Variants in MACROD2 observed in about 807,000 individuals in gnomAD.
MACROD2 encodes the protein ADP-ribose glycohydrolase MACROD2.
Under a neutral mutation model 70.4 loss-of-function variants are expected in MACROD2, and 36 were observed. The ratio of observed to expected loss-of-function variants is 0.51; its 90% confidence interval spans 0.39 to 0.68. The LOEUF (loss-of-function observed/expected upper bound fraction) is 0.68, where lower values mean the gene tolerates loss of function less well. Among genes scored for constraint, MACROD2 ranks in the 30% least tolerant of loss-of-function variants. The pLI is 0.00. For missense variants in MACROD2, 496 were observed against 538.4 expected, an observed-to-expected ratio of 0.92 and a Z score of 0.78; for synonymous variants, 172 against 178.8, an observed-to-expected ratio of 0.96 and a Z score of 0.30.
chr20:14,838,367 A>G (rs1432412059), intron 5 of MACROD2, among the ~76,000 whole-genome samples: 2 of 152,140 alleles, frequency 1.3e-5, no homozygotes, highest in African/African-American at 4.8e-5. Flanking sequence ...TTAATAAGGC[A>G]GAACATTATT....
chr20:15,211,320 C>T (rs1212642965), intron 5 of MACROD2, among the ~76,000 whole-genome samples: 1 of 152,148 alleles, frequency 6.6e-6, no homozygotes, highest in Non-Finnish European at 1.5e-5. Context: ...GATGGATATA[C>T]ATTTGGTTAT....
intron 5 of MACROD2, among the ~76,000 whole-genome samples, chr20:14,789,235 G>A (rs1285527133): frequency 1.3e-5 from 2 of 151,632 alleles, no homozygotes; most frequent in African/African-American, 4.9e-5. Context: ...AAAGTTAAAT[G>A]CAATTAAACT....
chr20:14,255,714 TAAATAAATAAAA>T (rs775331753), intron 3 of MACROD2, among the ~76,000 whole-genome samples: 2,562 of 140,010 alleles, frequency 0.018, 46 homozygotes, highest in Non-Finnish European at 0.024. Context: ...AATAAATAAA[TAAATAAATAAAA>T]AAGAAAATGT....
chr20:15,935,548 G>A (rs1601165868), intron 11 of MACROD2, among the ~76,000 whole-genome samples: 1 of 152,072 alleles, frequency 6.6e-6, no homozygotes, highest in Admixed American at 6.6e-5. Flanking sequence ...CTTCAATTTT[G>A]ATTATATAGC....
At chr20:15,289,926 T>A (rs189039123) in intron 6 of MACROD2, among the ~76,000 whole-genome samples, 20 of 152,294 alleles carry the variant, frequency 1.3e-4, no homozygotes, top group African/African-American at 4.8e-4. Context: ...ACACATTTGA[T>A]GTCAAATAGC....
intron 3 of MACROD2, among the ~76,000 whole-genome samples, chr20:14,382,966 A>G (rs2083437845): frequency 6.6e-6 from 1 of 152,212 alleles, no homozygotes; most frequent in South Asian, 2.1e-4. Context: ...TTAAAAATGT[A>G]CATATGTTTG....
chr20:15,134,100 G>A (rs2123284578), intron 5 of MACROD2, among the ~76,000 whole-genome samples: 1 of 149,746 alleles, frequency 6.7e-6, no homozygotes, highest in East Asian at 2.0e-4. Flanking sequence ...TAGAGATGGT[G>A]TTTCACCGTG....
intron 5 of MACROD2, among the ~76,000 whole-genome samples, chr20:15,138,132 C>G (rs765372217): frequency 6.6e-6 from 1 of 152,032 alleles, no homozygotes; most frequent in African/African-American, 2.4e-5. Context: ...AATTTTAATA[C>G]TTCTGTAGAG....
intron 7 of MACROD2, among the ~76,000 whole-genome samples, chr20:15,463,618 G>A (rs1568826791): frequency 6.6e-6 from 1 of 152,138 alleles, no homozygotes; most frequent in East Asian, 1.9e-4. Context: ...GTGTGGTGGT[G>A]CAGGCCTGTA....
At chr20:15,626,517 T>C (rs940543984) in intron 8 of MACROD2, among the ~76,000 whole-genome samples, 8 of 152,202 alleles carry the variant, frequency 5.3e-5, no homozygotes, top group African/African-American at 1.7e-4. Flanking sequence ...TGCAAAGCAT[T>C]AGGCTAGAGC....
At chr20:14,997,840 C>T (rs185096625) in intron 5 of MACROD2, among the ~76,000 whole-genome samples, 30 of 152,224 alleles carry the variant, frequency 2.0e-4, no homozygotes, top group African/African-American at 6.7e-4. Context: ...GTCCCAGTGA[C>T]GGCAGCTATA....
At chr20:14,161,073 T>A (rs141523887) in intron 3 of MACROD2, among the ~76,000 whole-genome samples, 7 of 152,326 alleles carry the variant, frequency 4.6e-5, no homozygotes, top group African/African-American at 1.4e-4. Flanking sequence ...CTCCCACTTA[T>A]AAGTGAGGAC....
At chr20:13,998,816 G>T (rs1434096502) in intron 1 of MACROD2, among the ~76,000 whole-genome samples, 3 of 151,994 alleles carry the variant, frequency 2.0e-5, no homozygotes, top group Non-Finnish European at 2.9e-5. Flanking sequence ...TTAGCCGGTC[G>T]TGGTGGCACA....
chr20:14,758,872 C>G (rs2071977923), intron 5 of MACROD2, among the ~76,000 whole-genome samples: 1 of 151,866 alleles, frequency 6.6e-6, no homozygotes, highest in Admixed American at 6.6e-5. Context: ...ATTTTTTTCT[C>G]TCTTTAGGTT....
chr20:15,737,712 A>G (rs766490171), intron 8 of MACROD2, among the ~76,000 whole-genome samples: 1 of 152,202 alleles, frequency 6.6e-6, no homozygotes, highest in African/African-American at 2.4e-5. Flanking sequence ...ATTGTAAATA[A>G]TTTGCCTCGA....
chr20:16,023,887 C>T (rs1254796846), intron 15 of MACROD2, among the ~76,000 whole-genome samples: 1 of 152,092 alleles, frequency 6.6e-6, no homozygotes, highest in African/African-American at 2.4e-5. Context: ...CTCAGGACCC[C>T]TGGGCTGTCC....
At chr20:15,113,300 GTGTAACAATGCCATA>G (rs2075969155) in intron 5 of MACROD2, among the ~76,000 whole-genome samples, 1 of 152,134 alleles carries the variant, frequency 6.6e-6, no homozygotes, top group Non-Finnish European at 1.5e-5. Flanking sequence ...AGCACTGCTG[GTGTAACAATGCCATA>G]TGTAGCTGAT....
At chr20:14,203,248 A>G (rs73264804) in intron 3 of MACROD2, among the ~76,000 whole-genome samples, 4,329 of 151,854 alleles carry the variant, frequency 0.029, 65 homozygotes, top group African/African-American at 0.036. Context: ...GTTCTTTTAA[A>G]CATCTATCTC....
At chr20:15,650,643 C>T (rs2049628893) in intron 8 of MACROD2, among the ~76,000 whole-genome samples, 1 of 152,036 alleles carries the variant, frequency 6.6e-6, no homozygotes, top group South Asian at 2.1e-4. Flanking sequence ...TAAAGGAAAA[C>T]AAATTTCACA....
Sources: allele counts gnomAD v4.1 joint callset (sites outside exome capture counted in the v4.1 genomes callset), GRCh38; gene constraint gnomAD v4.1.1; transcripts MANE v1.5; gene names NCBI Gene and HGNC (gene_info 2026-07-23, HGNC 2026-07-21).